The following MALRD1 variants were observed in gnomAD, a reference collection of about 807,000 sequenced individuals.
MALRD1 encodes MAM and LDL-receptor class A domain-containing protein 1.
MALRD1 carries 247 observed loss-of-function variants against 242.1 expected under a neutral mutation model. The ratio of observed to expected loss-of-function variants is 1.02; its 90% CI spans 0.92 to 1.13. MALRD1 has a LOEUF of 1.13. Ranked by LOEUF, MALRD1 falls within the 50% of genes most tolerant of loss-of-function variation. The pLI is 0.00. For missense variants in MALRD1, 2,989 were observed against 2,533.1 expected, an observed-to-expected ratio of 1.18 and a Z score of -3.86; for synonymous variants, 995 against 866.6, an observed-to-expected ratio of 1.15 and a Z score of -2.60.
At chr10:19,168,769 C>G (rs994111531) in intron 13 of MALRD1, among the ~76,000 whole-genome samples, 1 of 152,140 alleles carries the variant, frequency 6.6e-6, no homozygotes, top group Non-Finnish European at 1.5e-5. Flanking sequence ...CTCCCTTCAT[C>G]CCCCTGCTGG....
chr10:19,732,522 C>G (rs2131946356), intron 39 of MALRD1, among the ~76,000 whole-genome samples: 1 of 152,282 alleles, frequency 6.6e-6, no homozygotes, highest in South Asian at 2.1e-4. Context: ...CTTGGCCTCC[C>G]AAAGTGCTGG....
intron 19 of MALRD1, among the ~76,000 whole-genome samples, chr10:19,270,716 T>G (rs140865614): frequency 1.6e-3 from 246 of 152,008 alleles, no homozygotes; most frequent in Non-Finnish European, 2.7e-3. Flanking sequence ...AGGACAGATA[T>G]AATTTTCAGA....
chr10:19,389,863 T>G (rs1186415277), intron 28 of MALRD1, among the ~76,000 whole-genome samples: 1 of 152,210 alleles, frequency 6.6e-6, no homozygotes, highest in Non-Finnish European at 1.5e-5. Flanking sequence ...TTATATTCTT[T>G]GTTGCCCAGG....
chr10:19,676,822 C>T (rs548959963), intron 36 of MALRD1, among the ~76,000 whole-genome samples: 1 of 152,290 alleles, frequency 6.6e-6, no homozygotes, highest in African/African-American at 2.4e-5. Flanking sequence ...GATGCTCTCC[C>T]TCTCCCCTGA....
intron 38 of MALRD1, among the ~76,000 whole-genome samples, chr10:19,694,887 C>T (rs1833294807): frequency 6.6e-6 from 1 of 152,194 alleles, no homozygotes; most frequent in Admixed American, 6.5e-5. Context: ...GAATACTATG[C>T]AGCCATAAAA....
At chr10:19,537,961 A>G (rs1480473659) in intron 32 of MALRD1, among the ~76,000 whole-genome samples, 1 of 152,222 alleles carries the variant, frequency 6.6e-6, no homozygotes, top group African/African-American at 2.4e-5. Context: ...TGGAATATAA[A>G]GATAAACTGA....
intron 28 of MALRD1, among the ~76,000 whole-genome samples, chr10:19,416,926 A>C (rs1189684729): frequency 6.6e-6 from 1 of 152,194 alleles, no homozygotes; most frequent in African/African-American, 2.4e-5. Context: ...GCTCTTGGGA[A>C]GGTCATCAGT....
At chr10:19,121,632 T>C (rs1837069302) in intron 5 of MALRD1, among the ~76,000 whole-genome samples, 2 of 151,966 alleles carry the variant, frequency 1.3e-5, no homozygotes, top group Admixed American at 6.6e-5. Context: ...GGAGAGGAAA[T>C]TGGCAGTATG....
At chr10:19,294,290 G>C (rs1429506014) in intron 21 of MALRD1, among the ~76,000 whole-genome samples, 1 of 152,084 alleles carries the variant, frequency 6.6e-6, no homozygotes, top group Non-Finnish European at 1.5e-5. Flanking sequence ...TAGGAAAAAC[G>C]TTTCCCAAAC....
intron 36 of MALRD1, among the ~76,000 whole-genome samples, chr10:19,688,970 A>G (rs941181917): frequency 1.3e-5 from 2 of 152,180 alleles, no homozygotes; most frequent in Non-Finnish European, 2.9e-5. Context: ...CTCCCCCTCC[A>G]CCTTTATACA....
chr10:19,713,245 A>G (rs959770436), intron 38 of MALRD1, among the ~76,000 whole-genome samples: 2 of 152,338 alleles, frequency 1.3e-5, no homozygotes, highest in South Asian at 4.1e-4. Flanking sequence ...ATCAACAGAC[A>G]TAAAATTACT....
At chr10:19,362,918 G>A (rs991110543) in intron 26 of MALRD1, among the ~76,000 whole-genome samples, 3 of 152,064 alleles carry the variant, frequency 2.0e-5, no homozygotes, top group Non-Finnish European at 4.4e-5. Flanking sequence ...GATGTGAGGT[G>A]AGAGGTAAAA....
rs1846667334 is a variant in MALRD1 at position 19,398,051 on chromosome 10, T to C, written c.4845+8442T>C. 2.0e-5 allele frequency among the ~76,000 whole-genome samples: 3 copies of C among 152,174 alleles called. No individual in the cohort carries two copies. In the South Asian group the frequency reaches 6.2e-4, roughly 31 times the overall value. On this transcript the variant is annotated intron_variant, in intron 28 of 39. Coordinates refer to ENST00000454679, the MANE Select transcript of MALRD1 (RefSeq NM_001142308.3). Reference sequence around the variant, plus strand: ...TGAATTTTTTGAGTTCCTTATATATTCTGGATATTATCCCTTTGTCAGATG... The same window carrying C: ...TGAATTTTTTGAGTTCCTTATATATCCTGGATATTATCCCTTTGTCAGATG...
chr10:19,234,393 GTTTATGT>G (rs930311095), intron 18 of MALRD1, among the ~76,000 whole-genome samples: 84 of 149,996 alleles, frequency 5.6e-4, no homozygotes, highest in African/African-American at 1.9e-3. Context: ...TAAGATCACA[GTTTATGT>G]TTTATTATTG....
chr10:19,146,336 T>G lies in MALRD1; in HGVS notation c.1550T>G (p.Ile517Arg). The change falls in exon 11 of 40, where the codon ATA (isoleucine) becomes AGA (arginine). Residue 517 changes from isoleucine to arginine, a missense_variant. Transcript: ENST00000454679. ...CCTGCAGCTGATCACACAGCAAACATAAATCATGGTAGGACATTTTCCTCT... is the reference window on the plus strand; with the variant it reads ...CCTGCAGCTGATCACACAGCAAACAGAAATCATGGTAGGACATTTTCCTCT... ...HFPAADHTAN[I>R]NHGSFIYLEA... 1.6e-6 allele frequency: 2 copies of G among 1,231,408 alleles called. No homozygotes were observed. Among genetic ancestry groups the G allele is most frequent in the Middle Eastern group, 3.1e-4 (1 of 3,208 alleles). The allele number at this position is 1,231,408 out of a possible 1,614,324, so 76.3% of individuals were successfully genotyped here. A position where few individuals can be genotyped will look rare whatever the true frequency, so the allele number is the denominator to read the frequency against.
At chr10:19,081,160 T>G (rs1243352071) in intron 2 of MALRD1, among the ~76,000 whole-genome samples, 1 of 152,060 alleles carries the variant, frequency 6.6e-6, no homozygotes, top group African/African-American at 2.4e-5. Flanking sequence ...CTTTACATAG[T>G]GGGTGAGAAT....
intron 28 of MALRD1, among the ~76,000 whole-genome samples, chr10:19,426,868 A>G (rs1833922295): frequency 6.6e-6 from 1 of 152,138 alleles, no homozygotes; most frequent in Admixed American, 6.6e-5. Context: ...GTAGGATTTT[A>G]TATATATTTT....
chr10:19,664,690 T>G (rs1841598347), intron 36 of MALRD1, among the ~76,000 whole-genome samples: 1 of 151,916 alleles, frequency 6.6e-6, no homozygotes, highest in African/African-American at 2.4e-5. Flanking sequence ...TGAAAAAATG[T>G]GTTTTAATAT....
intron 21 of MALRD1, among the ~76,000 whole-genome samples, chr10:19,302,378 A>G (rs2496073): frequency 0.14 from 20,677 of 151,836 alleles, 1,714 homozygotes; most frequent in South Asian, 0.35. Context: ...AAATGTGGCC[A>G]CTACTCAGTG....
Sources: gnomAD v4.1 joint callset for allele counts (sites outside exome capture counted in the v4.1 genomes callset) on GRCh38, gnomAD v4.1.1 for gene constraint, MANE v1.5 for transcripts, NCBI Gene and HGNC (gene_info 2026-07-23, HGNC 2026-07-21) for gene names.